LDLRAD4: variants seen among roughly 807,000 people sequenced by gnomAD.
LDLRAD4 encodes the protein low density lipoprotein receptor class A domain containing 4, also known as low-density lipoprotein receptor class A domain-containing protein 4.
LDLRAD4 carries 5 observed loss-of-function variants against 17.0 expected under a neutral mutation model. The ratio of observed to expected loss-of-function variants is 0.29; its 90% CI spans 0.15 to 0.62. The LOEUF is 0.62. Ranked by LOEUF, LDLRAD4 falls within the 20% of genes least tolerant of loss-of-function variation. LDLRAD4 has a pLI of 0.84. For synonymous variants in LDLRAD4, 168 were observed against 171.8 expected (o/e 0.98, Z 0.17); for missense variants, 340 against 424.7 (o/e 0.80, Z 1.75).
intron 2 of LDLRAD4, among the ~76,000 whole-genome samples, chr18:13,402,000 G>A (rs373435215): frequency 1.3e-5 from 2 of 152,196 alleles, no homozygotes; most frequent in African/African-American, 4.8e-5. Flanking sequence ...ATGAAACAGC[G>A]CAGAGAATCA....
At chr18:13,323,927 G>A (rs1400742954) in intron 1 of LDLRAD4, among the ~76,000 whole-genome samples, 2 of 10,986 alleles carry the variant, frequency 1.8e-4, no homozygotes, top group African/African-American at 2.0e-4. Flanking sequence ...TTAGCCGGGT[G>A]TGGTGTCACT....
intron 2 of LDLRAD4, among the ~76,000 whole-genome samples, chr18:13,409,945 C>G (rs1292810875): frequency 6.6e-6 from 1 of 152,116 alleles, no homozygotes; most frequent in Non-Finnish European, 1.5e-5. Flanking sequence ...ACTGAGTGCT[C>G]AAGGTCAACA....
rs189731805 is a variant in LDLRAD4, at chr18:13,456,419, C to T, written c.181+18035C>T. Among the ~76,000 whole-genome samples the T allele has an allele frequency of 7.2e-3, 1,104 of 152,324 alleles. 7 individuals carry two copies. The highest frequency in any genetic ancestry group is 0.021 in the African/African-American group (870 of 41,578). ...CTGGGCAGCTCTGGTGAAGGGCGTG[C>T]GTCACGCTATCCAGGCCCTCTCCAC... is the stretch of plus-strand genomic sequence containing the variant. On this transcript the variant is annotated intron_variant, in intron 3 of 5. Coordinates refer to ENST00000359446, the Ensembl canonical transcript of LDLRAD4.
At chr18:13,284,721 G>C (rs1263418520) in intron 1 of LDLRAD4, among the ~76,000 whole-genome samples, 2 of 152,120 alleles carry the variant, frequency 1.3e-5, no homozygotes, top group South Asian at 2.1e-4. Context: ...GTGCGGTTTG[G>C]GGGGCAGTGC....
chr18:13,624,993 G>A (rs559161807), intron 4 of LDLRAD4, among the ~76,000 whole-genome samples: 13 of 152,268 alleles, frequency 8.5e-5, no homozygotes, highest in Non-Finnish European at 1.6e-4. Context: ...ACCAATGTCC[G>A]AGGCCTTTCT....
At chr18:13,635,811 C>G (rs997556940) in intron 4 of LDLRAD4, among the ~76,000 whole-genome samples, 18 of 152,344 alleles carry the variant, frequency 1.2e-4, no homozygotes, top group African/African-American at 4.3e-4. Flanking sequence ...GTCCCTGGGT[C>G]TGGGCAGCCA....
In LDLRAD4 at chr18:13,300,257, G is replaced by C. The variant is rs957324653; in HGVS notation, c.-383+22069G>C. 6.6e-6 allele frequency among the ~76,000 whole-genome samples: 1 copy of C among 152,192 alleles called. No individual in the cohort carries two copies. The highest frequency in any genetic ancestry group is 2.4e-5 in the African/African-American group (1 of 41,446). ...ACAGCAGAGAGCCAGGCCCGCAGAG[G>C]GGGCCGGCAGCCTCTTCCCACTCTC... On this transcript the variant is annotated intron_variant, in intron 1 of 5. Coordinates refer to ENST00000359446, the Ensembl canonical transcript of LDLRAD4. The surrounding 1 kb of genome is among the most constrained non-coding windows in gnomAD (Gnocchi z 4.2).
intron 1 of LDLRAD4, among the ~76,000 whole-genome samples, chr18:13,364,881 G>T (rs769632121): frequency 6.6e-6 from 1 of 152,206 alleles, no homozygotes; most frequent in Non-Finnish European, 1.5e-5. Flanking sequence ...AGTTCCACTC[G>T]TGTGTTTGAA....
chr18:13,607,149 C>T (rs2095232800), intron 3 of LDLRAD4, among the ~76,000 whole-genome samples: 1 of 152,174 alleles, frequency 6.6e-6, no homozygotes, highest in Non-Finnish European at 1.5e-5. Context: ...GAGTGGGTGG[C>T]CGGATGGGAG....
intron 3 of LDLRAD4, among the ~76,000 whole-genome samples, chr18:13,484,456 T>TA (rs1390954012): frequency 6.6e-6 from 1 of 151,810 alleles, no homozygotes; most frequent in Non-Finnish European, 1.5e-5. Context: ...AGTAAAAAAA[T>TA]AAAAAAATTA....
At chr18:13,531,362 C>A (rs563347509) in intron 3 of LDLRAD4, among the ~76,000 whole-genome samples, 1 of 151,760 alleles carries the variant, frequency 6.6e-6, no homozygotes, top group African/African-American at 2.4e-5. Flanking sequence ...ATAATCTCAG[C>A]ACTTTGGGAG....
At position 13,390,748 on chromosome 18, in the gene LDLRAD4, T is replaced by G. The variant is rs548841424; in HGVS notation, c.40+2986T>G. Among the ~76,000 whole-genome samples, 45 of 152,322 alleles carry G rather than the reference T, an allele frequency of 3.0e-4. 1 individual carries two copies. The South Asian group carries it at 7.7e-3, about 26-fold the overall frequency. ...TGTTCTCAGACCATCATGTGTTGAA[T>G]AGTGTTCACACTGTTGGGTGCGCCA... On this transcript the variant is annotated intron_variant, in intron 2 of 5. Transcript: ENST00000359446.
chr18:13,633,848 C>T (rs1253988630), intron 4 of LDLRAD4, among the ~76,000 whole-genome samples: 1 of 152,152 alleles, frequency 6.6e-6, no homozygotes, highest in African/African-American at 2.4e-5. Flanking sequence ...GGGCTCCTGC[C>T]CTACCAACTC....
chr18:13,590,144 CGTGGGT>C (rs1023644060), intron 3 of LDLRAD4, among the ~76,000 whole-genome samples: 86 of 149,890 alleles, frequency 5.7e-4, no homozygotes, highest in Middle Eastern at 6.8e-3. Context: ...TGTGGGTGTG[CGTGGGT>C]GTGGGTACGC....
intron 3 of LDLRAD4, chr18:13,491,212 C>G (rs928991033): frequency 6.6e-6 from 1 of 152,226 alleles, no homozygotes; most frequent in African/African-American, 2.4e-5. Flanking sequence ...TAATGATTTA[C>G]TTTAAATGTC....
At chr18:13,321,253 A>C (rs1407634876) in intron 1 of LDLRAD4, among the ~76,000 whole-genome samples, 1 of 152,150 alleles carries the variant, frequency 6.6e-6, no homozygotes, top group Non-Finnish European at 1.5e-5. Flanking sequence ...CCAGAGGCCT[A>C]TGCGCGGTTT....
intron 1 of LDLRAD4, among the ~76,000 whole-genome samples, chr18:13,267,663 G>C (rs1472956727): frequency 6.6e-6 from 1 of 152,218 alleles, no homozygotes; most frequent in Non-Finnish European, 1.5e-5. Flanking sequence ...TACTTCATTT[G>C]TTCATTCTCA....
rs144056444 is a variant in LDLRAD4, at chr18:13,581,830, T to TTG, written c.182-39274_182-39273dup. 0.024 allele frequency among the ~76,000 whole-genome samples: 3,624 copies of TTG among 151,986 alleles called. 293 individuals carry two copies. In the East Asian group the frequency reaches 0.26, roughly 11 times the overall value. On this transcript the variant is annotated intron_variant, in intron 3 of 5. Transcript: ENST00000359446. ...ACCTTGTGCGTATGGATGCATGAGC[T>TTG]TGTGTGTGTGTGTGCACTGTACACT...
At chr18:13,616,630 G>T (rs1027635096) in intron 3 of LDLRAD4, among the ~76,000 whole-genome samples, 2 of 152,206 alleles carry the variant, frequency 1.3e-5, no homozygotes, top group Non-Finnish European at 2.9e-5. Context: ...ACCGTCACCT[G>T]CAGCCAGGGA....
Sources: gnomAD v4.1 joint callset for allele counts (sites outside exome capture counted in the v4.1 genomes callset) on GRCh38, gnomAD v4.1.1 for gene constraint, Gnocchi (gnomAD v3.1) non-coding constraint, MANE v1.5 for transcripts, NCBI Gene and HGNC (gene_info 2026-07-23, HGNC 2026-07-21) for gene names.